MORN1: variants seen among roughly 807,000 people sequenced by gnomAD.
MORN1 encodes MORN repeat containing 1.
In MORN1, 67 loss-of-function variants were observed where a neutral mutation model predicts 61.9. The ratio of observed to expected loss-of-function variants is 1.08; its 90% confidence interval spans 0.89 to 1.33. The LOEUF is 1.33. Among genes scored for constraint, MORN1 ranks in the 40% most tolerant of loss-of-function variants. The probability of loss-of-function intolerance (pLI) is 0.00; values close to 1 mark genes in which losing one functional copy is unlikely to be tolerated. For synonymous variants in MORN1, 301 were observed against 292.0 expected (o/e 1.03, Z -0.31); for missense variants, 752 against 691.2 (o/e 1.09, Z -0.99).
chr1:2,334,736 T>C lies in MORN1; in HGVS notation c.1250+1733A>G, dbSNP rs1490436180. 1.3e-5 allele frequency among the ~76,000 whole-genome samples: 2 copies of C among 152,218 alleles called. No individual in the cohort carries two copies. The highest frequency in any genetic ancestry group is 2.9e-5 in the Non-Finnish European group (2 of 68,044). ...GAAACAATCCTAGTCCAACGACACT[T>C]AACTCGAGGACAGTGCGAGCCCTTT... On this transcript the variant is annotated intron_variant, in intron 12 of 13. Transcript: ENST00000378531. This position sits in a 1 kb window ranked among gnomAD's most constrained non-coding sequence, Gnocchi z 5.4.
chr1:2,358,684 C>T lies in MORN1; in HGVS notation c.777G>A (p.Ala259=), dbSNP rs777360581. Residue 259 remains alanine, a synonymous_variant, in exon 9 of 14, where the codon GCG becomes GCA. Transcript: ENST00000378531. ...SESGRVLQIS[A]GVRYVQLSAY... is the part of the protein sequence containing the mutation. ...CTGACAGCTGCACGTATCTGACGCC[C>T]GCTGAGATCTGCAGGACCCGGCCGC... The T allele has an allele frequency of 1.1e-5, 17 of 1,613,468 alleles. No individual in the cohort carries two copies. Among genetic ancestry groups the T allele is most frequent in the Non-Finnish European group, 1.4e-5 (16 of 1,179,728 alleles).
intron 8 of MORN1, among the ~76,000 whole-genome samples, chr1:2,366,973 TACATAGAAA>T (rs1557884391): frequency 6.7e-6 from 1 of 149,108 alleles, no homozygotes; most frequent in African/African-American, 2.5e-5. Context: ...CATAGAAAAA[TACATAGAAA>T]AATACATAGA....
At chr1:2,353,911 T>C (rs1266766047) in intron 10 of MORN1, among the ~76,000 whole-genome samples, 2 of 152,224 alleles carry the variant, frequency 1.3e-5, no homozygotes, top group African/African-American at 4.8e-5. Flanking sequence ...GGGTAACAAT[T>C]CATGGATCAT....
intron 8 of MORN1, among the ~76,000 whole-genome samples, chr1:2,360,833 C>G (rs1397702761): frequency 6.6e-6 from 1 of 152,224 alleles, no homozygotes; most frequent in East Asian, 1.9e-4. Flanking sequence ...GCTGGAAAAA[C>G]TCAGAGGTCA....
chr1:2,342,867 A>ATTTTATTTATTTTATTTTAT (rs370414567), intron 10 of MORN1, among the ~76,000 whole-genome samples: 30 of 101,116 alleles, frequency 3.0e-4, no homozygotes, highest in Non-Finnish European at 6.3e-4. Flanking sequence ...ATTTTATTTT[A>ATTTTATTTATTTTATTTTAT]TTTATTTTAT....
chr1:2,329,445 G>A (rs1641101515), intron 12 of MORN1, among the ~76,000 whole-genome samples: 2 of 152,186 alleles, frequency 1.3e-5, no homozygotes, highest in South Asian at 2.1e-4. Flanking sequence ...GCTTCCCAGT[G>A]CCCTCCCTGC....
At chr1:2,388,371 G>A in intron 2 of MORN1, 34 bp from the exon 3 acceptor site, 1 of 1,562,480 alleles carries the variant, frequency 6.4e-7, no homozygotes, top group Non-Finnish European at 8.8e-7. Flanking sequence ...AACTCAGACA[G>A]TGGTTGGGTT....
At chr1:2,332,506 A>G (rs1479437414) in intron 12 of MORN1, 1 of 419,264 alleles carries the variant, frequency 2.4e-6, no homozygotes, top group Non-Finnish European at 4.8e-6. Context: ...CTGTCTTGAC[A>G]TCGACCCCAC....
At chr1:2,368,033 G>C (rs1292514347) in intron 8 of MORN1, among the ~76,000 whole-genome samples, 1 of 151,774 alleles carries the variant, frequency 6.6e-6, no homozygotes, top group African/African-American at 2.4e-5. Context: ...AAAAGAAAAA[G>C]AGAGAATTGG....
intron 12 of MORN1, among the ~76,000 whole-genome samples, chr1:2,326,934 C>T (rs1025337600): frequency 3.9e-5 from 6 of 152,220 alleles, no homozygotes; most frequent in Admixed American, 3.3e-4. Context: ...CAGCGCTGGA[C>T]GTCTGAGGCC....
At chr1:2,378,975 A>C (rs1252762098) in intron 6 of MORN1, 2 of 468,898 alleles carry the variant, frequency 4.3e-6, no homozygotes. Context: ...TTTCCGTCAG[A>C]AGAAGCTGTA....
intron 8 of MORN1, among the ~76,000 whole-genome samples, chr1:2,369,413 G>C (rs1321188186): frequency 6.7e-6 from 1 of 149,906 alleles, no homozygotes; most frequent in Non-Finnish European, 1.5e-5. Flanking sequence ...AGGGTGTAAA[G>C]CCATTGGAAC....
chr1:2,384,880 A>T (rs1259508298), intron 6 of MORN1, 98 bp downstream of exon 6: 6 of 1,035,542 alleles, frequency 5.8e-6, no homozygotes, highest in Admixed American at 2.9e-5. Context: ...TGGCACATGG[A>T]GAAGCTGCCA....
At chr1:2,323,211 C>T (rs1048544571) in intron 13 of MORN1, 555 of 985,264 alleles carry the variant, frequency 5.6e-4, no homozygotes, top group Non-Finnish European at 6.7e-4. Flanking sequence ...GCACTCCAGC[C>T]GCTCCCGTCA....
At chr1:2,381,862 G>C (rs897400785) in intron 6 of MORN1, among the ~76,000 whole-genome samples, 1 of 152,202 alleles carries the variant, frequency 6.6e-6, no homozygotes, top group South Asian at 2.1e-4. Flanking sequence ...TCCCGGGGAG[G>C]AGCTGCCTCC....
chr1:2,379,357 C>T (rs1642320216), intron 6 of MORN1: 1 of 356,608 alleles, frequency 2.8e-6, no homozygotes, highest in Non-Finnish European at 5.6e-6. Context: ...AAACGAACAG[C>T]CGGCGCTGGT....
chr1:2,388,676 G>A (rs1399878538), intron 2 of MORN1, among the ~76,000 whole-genome samples: 9 of 151,232 alleles, frequency 6.0e-5, no homozygotes, highest in Admixed American at 4.0e-4. Flanking sequence ...CTGCTCAGGA[G>A]GCTGAGGTGG....
Position 2,391,462 on chromosome 1 carries a change from C to T in MORN1, c.72G>A (p.Arg24=), listed in dbSNP as rs1004707617. The change falls in exon 1 of 14, where the codon CGG becomes CGA. Residue 24 remains arginine, a synonymous_variant. Transcript: ENST00000378531. ...CCCGTGGCCCGCAGTCGTTACCGTTCCGGGGCGGCCGCCTAGGCGGGTCCC... is the reference window on the plus strand; with the variant it reads ...CCCGTGGCCCGCAGTCGTTACCGTTTCGGGGCGGCCGCCTAGGCGGGTCCC... ...PRRDPPRRPP[R]NGYGVYVYPN... 2 of 1,255,270 alleles carry T rather than the reference C, an allele frequency of 1.6e-6. No homozygotes were observed. The highest frequency in any genetic ancestry group is 1.6e-5 in the African/African-American group (1 of 64,506). 77.8% of individuals were successfully genotyped at this position (1,255,270 alleles called of 1,614,324 possible).
At chr1:2,336,237 C>T (rs561813267) in intron 12 of MORN1, among the ~76,000 whole-genome samples, 2 of 152,294 alleles carry the variant, frequency 1.3e-5, no homozygotes, top group East Asian at 1.9e-4. Flanking sequence ...GCAGATGGAC[C>T]GGCTCCAGCT....
Sources: gnomAD v4.1 joint callset for allele counts (sites outside exome capture counted in the v4.1 genomes callset) on GRCh38, gnomAD v4.1.1 for gene constraint, Gnocchi (gnomAD v3.1) non-coding constraint, MANE v1.5 for transcripts, NCBI Gene and HGNC (gene_info 2026-07-23, HGNC 2026-07-21) for gene names.